Variants in IL17RD observed in about 807,000 individuals in gnomAD.
IL17RD encodes the protein interleukin-17 receptor D.
Under a neutral mutation model 80.5 loss-of-function variants are expected in IL17RD, and 52 were observed. The ratio of observed to expected loss-of-function variants is 0.65; its 90% CI spans 0.52 to 0.81. The LOEUF (loss-of-function observed/expected upper bound fraction) is 0.81. Among genes scored for constraint, IL17RD ranks in the 40% least tolerant of loss-of-function variants. The pLI, the probability that IL17RD is intolerant of heterozygous loss-of-function variation, is 0.00. For synonymous variants in IL17RD, 416 were observed against 391.8 expected (o/e 1.06, Z -0.73); for missense variants, 1,024 against 955.1 (o/e 1.07, Z -0.95).
intron 2 of IL17RD, among the ~76,000 whole-genome samples, chr3:57,117,831 T>C (rs926947961): frequency 6.6e-6 from 1 of 152,238 alleles, no homozygotes; most frequent in Non-Finnish European, 1.5e-5. Flanking sequence ...TATGTCCAAA[T>C]GACATTTTCC....
rs761785146 is a variant in IL17RD at position 57,098,518 on chromosome 3, T to C, written c.1185A>G (p.Glu395=). 10 of 1,605,632 alleles carry C rather than the reference T, an allele frequency of 6.2e-6. No homozygotes were observed. The highest frequency in any genetic ancestry group is 3.4e-6 in the Non-Finnish European group (4 of 1,174,960). Residue 395 remains glutamate, a synonymous_variant, in exon 12 of 13, where the codon GAA becomes GAG. Coordinates refer to ENST00000296318, the MANE Select transcript of IL17RD (RefSeq NM_017563.5). ...GCCCTTCTCTACAGAGGCTGAAGTC[T>C]TCCCACAGGTCCAGAGCCACCTGGA... ...CGCEVALDLW[E]DFSLCREGQR... is the part of the protein sequence containing the mutation.
intron 2 of IL17RD, among the ~76,000 whole-genome samples, chr3:57,118,156 CAAAGA>C (rs1707257065): frequency 1.3e-5 from 2 of 152,286 alleles, no homozygotes; most frequent in South Asian, 4.1e-4. Flanking sequence ...CTTTGTAACT[CAAAGA>C]AAGATCCCTT....
intron 1 of IL17RD, among the ~76,000 whole-genome samples, chr3:57,135,037 G>C (rs1707695504): frequency 6.6e-6 from 1 of 152,158 alleles, no homozygotes; most frequent in Non-Finnish European, 1.5e-5. Context: ...GAGCCCAGGA[G>C]ATGGAAGTAG....
chr3:57,127,219 T>A (rs1262468289), intron 1 of IL17RD, among the ~76,000 whole-genome samples: 6 of 110,502 alleles, frequency 5.4e-5, no homozygotes, highest in Non-Finnish European at 8.4e-5. Flanking sequence ...AAAATATATA[T>A]AAATATATAT....
At chr3:57,127,931 T>A (rs1707529729) in intron 1 of IL17RD, among the ~76,000 whole-genome samples, 1 of 152,078 alleles carries the variant, frequency 6.6e-6, no homozygotes, top group South Asian at 2.1e-4. Flanking sequence ...TTCAAACCTT[T>A]AACAACAACA....
At position 57,105,869 on chromosome 3, in the gene IL17RD, C is replaced by G. The variant is rs1437222681; in HGVS notation, c.735G>C (p.Lys245Asn). ...CCCAGCAGCTCACCTGCTTACAGGT[C>G]TTTCGCTTGAAAGGTCCTTCGTGCT... ...KLKHEGPFKR[K>N]TCKQEQTTET... Residue 245 changes from lysine to asparagine, a missense_variant, in exon 7 of 13, where the codon AAG becomes AAC. By Grantham distance (94) the Lys-to-Asn change is moderately conservative. Transcript: ENST00000296318. 8 of 1,613,752 alleles carry G rather than the reference C, an allele frequency of 5.0e-6. No individual in the cohort carries two copies. The highest frequency in any genetic ancestry group is 1.3e-5 in the African/African-American group (1 of 74,998).
At chr3:57,166,697 G>A (rs2060350010), upstream of IL17RD, among the ~76,000 whole-genome samples, 1 of 152,202 alleles carries the variant, frequency 6.6e-6, no homozygotes, top group South Asian at 2.1e-4. Context: ...CTTCCACTCT[G>A]TCTTTACCAC....
intron 1 of IL17RD, among the ~76,000 whole-genome samples, chr3:57,162,296 C>T (rs1478901135): frequency 3.3e-5 from 5 of 152,254 alleles, no homozygotes; most frequent in Non-Finnish European, 7.3e-5. Flanking sequence ...CTTGCTGCCC[C>T]CTCTCAGGTT....
intron 11 of IL17RD, among the ~76,000 whole-genome samples, chr3:57,099,066 G>A (rs766361556): frequency 6.6e-5 from 10 of 152,174 alleles, no homozygotes; most frequent in Non-Finnish European, 1.2e-4. Context: ...CACAATTATA[G>A]GTGACTCACA....
intron 1 of IL17RD, among the ~76,000 whole-genome samples, chr3:57,137,526 G>T (rs6774301): frequency 3.9e-5 from 6 of 152,100 alleles, no homozygotes; most frequent in Admixed American, 2.0e-4. Flanking sequence ...CCCAAGAATT[G>T]AACAGATGGG....
chr3:57,146,254 T>A, intron 1 of IL17RD, among the ~76,000 whole-genome samples: 1 of 152,194 alleles, frequency 6.6e-6, no homozygotes, highest in East Asian at 1.9e-4. Flanking sequence ...TTACTTTAAA[T>A]TCTTATTTAT....
Position 57,097,977 on chromosome 3 carries a change from C to T in IL17RD, c.1726G>A (p.Glu576Lys). 6.2e-7 allele frequency: 1 copy of T among 1,614,012 alleles called. No individual in the cohort carries two copies. The highest frequency in any genetic ancestry group is 1.1e-5 in the South Asian group (1 of 91,082). The change falls in exon 12 of 13, where the codon GAG becomes AAG. Residue 576 changes from glutamate to lysine, a missense_variant. Coordinates refer to ENST00000296318, the MANE Select transcript of IL17RD (RefSeq NM_017563.5). The stretch of plus-strand genomic sequence containing the variant: ...GAATCAAATTTCTCCAAGACTGGCT[C>T]CCGGTAGCGCAGTGGAGGAGGATGG... ...PFHPPPLRYR[E>K]PVLEKFDSGL...
At chr3:57,118,786 G>A (rs2107496452) in intron 2 of IL17RD, among the ~76,000 whole-genome samples, 1 of 152,304 alleles carries the variant, frequency 6.6e-6, no homozygotes, top group South Asian at 2.1e-4. Flanking sequence ...CAGCTCCCAA[G>A]TTGAGCAGTT....
intron 1 of IL17RD, among the ~76,000 whole-genome samples, chr3:57,155,200 G>A (rs2060259572): frequency 1.3e-5 from 2 of 152,232 alleles, no homozygotes; most frequent in South Asian, 4.1e-4. Flanking sequence ...CTGTTAAGAA[G>A]ACAAAGTTTC....
chr3:57,170,063 T>C (rs571865929), upstream of IL17RD, among the ~76,000 whole-genome samples: 53 of 152,274 alleles, frequency 3.5e-4, 1 homozygote, highest in South Asian at 0.011. Flanking sequence ...TCCTCCAGAC[T>C]CTTCCTGTCT....
intron 2 of IL17RD, 97 bp from the exon 3 acceptor site, chr3:57,114,914 C>A: frequency 1.0e-6 from 1 of 977,828 alleles, no homozygotes; most frequent in African/African-American, 1.7e-5. Context: ...CTGAAGGTGG[C>A]CAAATCCATT....
In IL17RD at chr3:57,093,856, T is replaced by C. The variant is rs769237402; in HGVS notation, c.*2537A>G. On this transcript the variant is annotated 3_prime_UTR_variant, in exon 13 of 13. Coordinates refer to ENST00000296318, the MANE Select transcript of IL17RD (RefSeq NM_017563.5). Reference sequence around the variant, plus strand: ...TCAGATGCTAAGTCCTTTCTGTAGCTCATTGGTAAGTTAAGATGAACAACT... The same window carrying C: ...TCAGATGCTAAGTCCTTTCTGTAGCCCATTGGTAAGTTAAGATGAACAACT... 2 of 152,216 alleles carry C rather than the reference T, an allele frequency of 1.3e-5. No individual in the cohort carries two copies. Among genetic ancestry groups the C allele is most frequent in the African/African-American group, 2.4e-5 (1 of 41,446 alleles). 9.4% of individuals were successfully genotyped at this position (152,216 alleles called of 1,614,324 possible). A position where few individuals can be genotyped will look rare whatever the true frequency, so the allele number is the denominator to read the frequency against.
intron 1 of IL17RD, among the ~76,000 whole-genome samples, chr3:57,156,963 A>T (rs1250619789): frequency 6.6e-6 from 1 of 151,960 alleles, no homozygotes; most frequent in Non-Finnish European, 1.5e-5. Context: ...AAAAACATCA[A>T]ATTTGTTTGT....
intron 1 of IL17RD, among the ~76,000 whole-genome samples, chr3:57,126,023 G>A (rs1375368718): frequency 6.6e-6 from 1 of 152,122 alleles, no homozygotes; most frequent in Non-Finnish European, 1.5e-5. Context: ...AAACAGATAA[G>A]GCAACTTACA....
Sources: gnomAD v4.1 joint callset for allele counts (sites outside exome capture counted in the v4.1 genomes callset) on GRCh38, gnomAD v4.1.1 for gene constraint, MANE v1.5 for transcripts, NCBI Gene and HGNC (gene_info 2026-07-23, HGNC 2026-07-21) for gene names.